The following CHD5 variants were observed in gnomAD, a reference collection of about 807,000 sequenced individuals.
The protein encoded by CHD5 is chromodomain helicase DNA binding protein 5.
Under a neutral mutation model 230.3 loss-of-function variants are expected in CHD5, and 69 were observed. That is an observed-to-expected ratio of 0.30 (90% CI 0.25 to 0.37). The LOEUF (loss-of-function observed/expected upper bound fraction) is 0.37. Ranked by LOEUF, CHD5 falls within the 10% of genes least tolerant of loss-of-function variation. CHD5 has a pLI of 1.00. For synonymous variants in CHD5, 1,064 were observed against 1,065.9 expected, an observed-to-expected ratio of 1.00 and a Z score of 0.03; for missense variants, 1,827 against 2,622.8, an observed-to-expected ratio of 0.70 and a Z score of 6.63.
At chr1:6,179,487 C>A (rs1667479010) in intron 1 of CHD5, among the ~76,000 whole-genome samples, 1 of 152,010 alleles carries the variant, frequency 6.6e-6, no homozygotes, top group Admixed American at 6.5e-5. Flanking sequence ...CCACCCAGCC[C>A]GCCCCGCGGC....
rs746802182 is a variant in CHD5 at position 6,148,998 on chromosome 1, G to GTCC, written c.1236_1238dup (p.Glu412dup). ...ACACGCGGCAGAACTCCATGTGGTC[G>GTCC]TCCTCCTCCTCCTCGCAGCCGCCCT... On this transcript the variant is annotated inframe_insertion, in exon 9 of 42. Transcript: ENST00000262450. 4.4e-6 allele frequency: 7 copies of GTCC among 1,606,818 alleles called. No homozygotes were observed. Among genetic ancestry groups the GTCC allele is most frequent in the African/African-American group, 2.7e-5 (2 of 74,768 alleles).
At chr1:6,143,388 A>C (rs1258120105) in intron 13 of CHD5, among the ~76,000 whole-genome samples, 1 of 152,170 alleles carries the variant, frequency 6.6e-6, no homozygotes, top group Non-Finnish European at 1.5e-5. Context: ...CTCCCAATGG[A>C]CCAGGCCCAT....
chr1:6,125,657 TTCCTGA>T lies in CHD5; in HGVS notation c.4172-51_4172-46del. 6.2e-7 allele frequency: 1 copy of T among 1,610,058 alleles called. No individual in the cohort carries two copies. Among genetic ancestry groups the T allele is most frequent in the Non-Finnish European group, 8.5e-7 (1 of 1,176,458 alleles). On this transcript the variant is annotated intron_variant, in intron 27 of 41. Transcript: ENST00000262450. This position sits in a 1 kb window ranked among gnomAD's most constrained non-coding sequence, Gnocchi z 6.7. ...AGTTCCTCAGGTGGGAGCCCAGAGATTCCTGATCCCCAAGGACAGCGGGACCCCAGA... is the reference window on the plus strand; with the variant it reads ...AGTTCCTCAGGTGGGAGCCCAGAGATTCCCCAAGGACAGCGGGACCCCAGA...
At position 6,131,347 on chromosome 1, in the gene CHD5, A is replaced by G. The variant is rs1361970027; in HGVS notation, c.3262+284T>C. Among the ~76,000 whole-genome samples, 1 of 152,126 alleles carries G rather than the reference A, an allele frequency of 6.6e-6. No individual in the cohort carries two copies. Among genetic ancestry groups the G allele is most frequent in the Non-Finnish European group, 1.5e-5 (1 of 68,028 alleles). On this transcript the variant is annotated intron_variant, in intron 21 of 41. Transcript: ENST00000262450. This position sits in a 1 kb window ranked among gnomAD's most constrained non-coding sequence, Gnocchi z 5.0. ...CACCATACGGCAGGCTCTGTCCAAC[A>G]CCACTTGTAACTGGGGCTCACCTGG...
intron 2 of CHD5, among the ~76,000 whole-genome samples, chr1:6,164,549 G>A (rs1046440682): frequency 1.7e-4 from 26 of 152,234 alleles, no homozygotes; most frequent in African/African-American, 6.0e-4. Context: ...TGCTGCTTGC[G>A]GCCCACCTGC....
At chr1:6,178,876 T>C (rs1455713732) in intron 1 of CHD5, among the ~76,000 whole-genome samples, 1 of 151,984 alleles carries the variant, frequency 6.6e-6, no homozygotes, top group Non-Finnish European at 1.5e-5. Flanking sequence ...CCCCTGGAAG[T>C]CAGAAGGGGC....
At chr1:6,179,530 C>T (rs1571179501) in intron 1 of CHD5, among the ~76,000 whole-genome samples, 2 of 151,868 alleles carry the variant, frequency 1.3e-5, no homozygotes, top group Middle Eastern at 3.4e-3. Flanking sequence ...CCCGCCTGCC[C>T]GCAGCGAGGC....
intron 2 of CHD5, among the ~76,000 whole-genome samples, chr1:6,162,409 A>G (rs1667192309): frequency 6.6e-6 from 1 of 151,830 alleles, no homozygotes; most frequent in Admixed American, 6.6e-5. Flanking sequence ...AAAAGAAAAG[A>G]AAGAAAAGAA....
chr1:6,154,806 G>T lies in CHD5; in HGVS notation c.599C>A (p.Pro200His). 6.2e-7 allele frequency: 1 copy of T among 1,613,900 alleles called. No homozygotes were observed. Among genetic ancestry groups the T allele is most frequent in the Non-Finnish European group, 8.5e-7 (1 of 1,179,986 alleles). ...AKWREFSANN[P>H]FKGSSAAAAA... The stretch of plus-strand genomic sequence containing the variant: ...TGCTGCCGCGGAGCTGCCCTTGAAG[G>T]GGTTGTTGGCGCTGAACTCCCGCCA... Residue 200 changes from proline (P) to histidine (H), a missense_variant, in exon 5 of 42, where the codon CCC becomes CAC. Pro to His is a moderately conservative substitution (Grantham distance 77). This residue lies in a region of CHD5 where 657 missense variants were observed against 816.4 expected (regional missense o/e 0.80). Coordinates refer to ENST00000262450, the MANE Select transcript of CHD5 (RefSeq NM_015557.3). This position sits in a 1 kb window ranked among gnomAD's most constrained non-coding sequence, Gnocchi z 7.0.
At position 6,126,413 on chromosome 1, in the gene CHD5, T is replaced by A. The variant is rs1431848520; in HGVS notation, c.4078+159A>T. Among the ~76,000 whole-genome samples, 2 of 146,458 alleles carry A rather than the reference T, an allele frequency of 1.4e-5. No homozygotes were observed. On this transcript the variant is annotated intron_variant, in intron 26 of 41. Coordinates refer to ENST00000262450, the MANE Select transcript of CHD5 (RefSeq NM_015557.3). This position sits in a 1 kb window ranked among gnomAD's most constrained non-coding sequence, Gnocchi z 5.7. ...GCCCTGACAGAATCCTGCCCCACCC[T>A]CCGCCTCTGGGTATGGGACACCCAT...
At chr1:6,114,522 A>ACC (rs61064568) in intron 33 of CHD5, among the ~76,000 whole-genome samples, 1 of 150,664 alleles carries the variant, frequency 6.6e-6, no homozygotes. Flanking sequence ...ACACACACAC[A>ACC]TTTTTTTGTG....
Position 6,134,943 on chromosome 1 carries a change from T to C in CHD5, c.2871-84A>G. On this transcript the variant is annotated intron_variant, in intron 18 of 41. Coordinates refer to ENST00000262450, the MANE Select transcript of CHD5 (RefSeq NM_015557.3). This position sits in a 1 kb window ranked among gnomAD's most constrained non-coding sequence, Gnocchi z 6.3. ...TCTGCTCTGCAGTGGGGCTGGAAGCTGGTGGCCAAGCACCCATTTACAGAG... is the reference window on the plus strand; with the variant it reads ...TCTGCTCTGCAGTGGGGCTGGAAGCCGGTGGCCAAGCACCCATTTACAGAG... 1 of 1,561,690 alleles carries C rather than the reference T, an allele frequency of 6.4e-7. No individual in the cohort carries two copies. Among genetic ancestry groups the C allele is most frequent in the African/African-American group, 1.4e-5 (1 of 73,884 alleles).
At chr1:6,120,700 C>T (rs1021539166) in intron 33 of CHD5, among the ~76,000 whole-genome samples, 16 of 151,836 alleles carry the variant, frequency 1.1e-4, no homozygotes, top group African/African-American at 2.4e-5. Flanking sequence ...TACAAGAGAT[C>T]GAGACCATCC....
chr1:6,147,362 C>T (rs1172536833), intron 9 of CHD5, among the ~76,000 whole-genome samples: 1 of 152,200 alleles, frequency 6.6e-6, no homozygotes, highest in African/African-American at 2.4e-5. Context: ...ATCCACCATC[C>T]CTCACCCGGG....
In CHD5 at chr1:6,101,916, C is replaced by A. The variant is rs757030339; in HGVS notation, c.*3558G>T. On this transcript the variant is annotated 3_prime_UTR_variant, in exon 42 of 42. Coordinates refer to ENST00000262450, the MANE Select transcript of CHD5 (RefSeq NM_015557.3). The stretch of plus-strand genomic sequence containing the variant: ...CCGTGGGCGAAGACCAGACAAGCCA[C>A]GGCTCACAGGGGAGCCTGGCTTCCA... 1 of 343,602 alleles carries A rather than the reference C, an allele frequency of 2.9e-6. No homozygotes were observed. Among genetic ancestry groups the A allele is most frequent in the Non-Finnish European group, 5.7e-6 (1 of 174,068 alleles). 21.3% of individuals were successfully genotyped at this position (343,602 alleles called of 1,614,324 possible).
chr1:6,154,671 T>C lies in CHD5; in HGVS notation c.734A>G (p.Lys245Arg). Residue 245 changes from lysine (K) to arginine (R), a missense_variant, in exon 5 of 42, where the codon AAG becomes AGG. Physicochemically the swap from Lys to Arg is conservative, Grantham distance 26. Coordinates refer to ENST00000262450, the MANE Select transcript of CHD5 (RefSeq NM_015557.3). The surrounding 1 kb of genome is among the most constrained non-coding windows in gnomAD (Gnocchi z 7.0). ...AACCCCAGCCTTACCTTTGCCCTCC[T>C]TGGTCTTGGCCTTGCGGATAGGCAC... Reference protein sequence around the residue: ...QPVPIRKAKTKEGKGPGVRKK... With the variant: ...QPVPIRKAKTREGKGPGVRKK... 6.4e-7 allele frequency: 1 copy of C among 1,564,346 alleles called. No individual in the cohort carries two copies. Among genetic ancestry groups the C allele is most frequent in the Non-Finnish European group, 8.7e-7 (1 of 1,153,368 alleles).
At position 6,113,225 on chromosome 1, in the gene CHD5, A is replaced by G. The variant is rs1023884558; in HGVS notation, c.4913-227T>C. On this transcript the variant is annotated intron_variant, in intron 33 of 41. Transcript: ENST00000262450. ...GATCACTTCAGACCAGGAGTTCAAG[A>G]CCAGCCTGGCAACATAGTGAAATCT... 1.1e-5 allele frequency: 6 copies of G among 526,584 alleles called. No homozygotes were observed. The Admixed American group carries it at 1.6e-4, about 14-fold the overall frequency. The allele number at this position is 526,584 out of a possible 1,614,324, so 32.6% of individuals were successfully genotyped here. A position where few individuals can be genotyped will look rare whatever the true frequency, so the allele number is the denominator to read the frequency against.
intron 2 of CHD5, 65 bp downstream of exon 2, chr1:6,168,085 G>A (rs982470945): frequency 3.9e-5 from 60 of 1,531,968 alleles, no homozygotes; most frequent in South Asian, 1.4e-4. Flanking sequence ...CCTCCTCTGC[G>A]GCCGGGCAGA....
At chr1:6,162,823 C>T (rs4908529) in intron 2 of CHD5, among the ~76,000 whole-genome samples, 23,776 of 152,106 alleles carry the variant, frequency 0.16, 2,542 homozygotes, top group East Asian at 0.47. Flanking sequence ...TGGGGCGAGA[C>T]GCGGTACAGA....
Sources: gnomAD v4.1 joint callset for allele counts (sites outside exome capture counted in the v4.1 genomes callset) on GRCh38, gnomAD v4.1.1 for gene constraint, gnomAD v4.1.1 regional missense constraint, Gnocchi (gnomAD v3.1) non-coding constraint, MANE v1.5 for transcripts, NCBI Gene and HGNC (gene_info 2026-07-23, HGNC 2026-07-21) for gene names.